The following UPP2 variants were observed in gnomAD, a reference collection of about 807,000 sequenced individuals.
The protein encoded by UPP2 is uridine phosphorylase 2, also known as UPase 2.
UPP2 carries 23 observed loss-of-function variants against 26.7 expected under a neutral mutation model. The observed-to-expected ratio is 0.86, with a 90% CI of 0.62 to 1.22. The LOEUF (loss-of-function observed/expected upper bound fraction) is 1.22. UPP2 is among the 50% of genes most tolerant of loss of function. UPP2 has a pLI of 0.00. For synonymous variants in UPP2, 127 were observed against 141.3 expected, an observed-to-expected ratio of 0.90 and a Z score of 0.72; for missense variants, 387 against 396.7, an observed-to-expected ratio of 0.98 and a Z score of 0.21.
In UPP2 at chr2:158,135,533, AG is replaced by A. The variant is rs1683913992; in HGVS notation, c.*644del. ...CAACTGAAAACCCTCAGTAATGCAA[AG>A]AAAGGCCTTCCTTTTTCTTCAGAAT... is the stretch of plus-strand genomic sequence containing the variant. On this transcript the variant is annotated 3_prime_UTR_variant, in exon 7 of 7. Transcript: ENST00000005756. 1 of 152,236 alleles carries A rather than the reference AG, an allele frequency of 6.6e-6. No individual in the cohort carries two copies. The highest frequency in any genetic ancestry group is 2.4e-5 in the African/African-American group (1 of 41,468). The allele number at this position is 152,236 out of a possible 1,614,324, so 9.4% of individuals were successfully genotyped here. A position where few individuals can be genotyped will look rare whatever the true frequency, so the allele number is the denominator to read the frequency against.
chr2:158,064,282 G>A (rs1026353309), intron 3 of UPP2, among the ~76,000 whole-genome samples: 39 of 152,086 alleles, frequency 2.6e-4, no homozygotes, highest in East Asian at 3.8e-4. Flanking sequence ...TTTAATGATC[G>A]CCATTCTAAC....
intron 3 of UPP2, among the ~76,000 whole-genome samples, chr2:158,029,907 G>C (rs1224382754): frequency 6.6e-6 from 1 of 151,370 alleles, no homozygotes; most frequent in Admixed American, 6.6e-5. Context: ...ATGCGTTTTA[G>C]AAAGCAGGCA....
chr2:158,030,279 G>A (rs934806728), intron 3 of UPP2, among the ~76,000 whole-genome samples: 1 of 152,086 alleles, frequency 6.6e-6, no homozygotes, highest in African/African-American at 2.4e-5. Context: ...ATTATTTTAG[G>A]TAGTACATGA....
At chr2:158,068,246 GTA>G (rs540320949) in intron 3 of UPP2, among the ~76,000 whole-genome samples, 76 of 152,220 alleles carry the variant, frequency 5.0e-4, no homozygotes, top group African/African-American at 1.8e-3. Context: ...TGTTCTTATA[GTA>G]CTAATTACAA....
chr2:158,114,313 C>G (rs1055367860), intron 2 of UPP2, among the ~76,000 whole-genome samples: 1 of 152,158 alleles, frequency 6.6e-6, no homozygotes, highest in Non-Finnish European at 1.5e-5. Context: ...CGTAGTGCTT[C>G]TCTGCTCCTC....
chr2:158,004,350 G>A (rs1574240815), intron 2 of UPP2, among the ~76,000 whole-genome samples: 1 of 151,748 alleles, frequency 6.6e-6, no homozygotes, highest in African/African-American at 2.4e-5. Context: ...CGGTGAATAA[G>A]GCTTAGTTGT....
chr2:158,004,393 GA>G (rs5835684), intron 2 of UPP2, among the ~76,000 whole-genome samples: 8,950 of 144,854 alleles, frequency 0.062, 374 homozygotes, highest in East Asian at 0.21. Context: ...GAGAGAATAA[GA>G]AAAAAAAAAA....
At chr2:158,051,159 G>GTT (rs1490093004) in intron 3 of UPP2, among the ~76,000 whole-genome samples, 1 of 35,914 alleles carries the variant, frequency 2.8e-5, no homozygotes, top group Non-Finnish European at 7.2e-5. Context: ...CTAGGAATAT[G>GTT]TGTGTGTGTG....
At chr2:158,054,175 T>C (rs1166788040) in intron 3 of UPP2, among the ~76,000 whole-genome samples, 3 of 152,092 alleles carry the variant, frequency 2.0e-5, no homozygotes, top group African/African-American at 7.2e-5. Context: ...GGCATGAGAA[T>C]GGTTTGAACC....
At position 158,000,067 on chromosome 2, in the gene UPP2, A is replaced by ATT. The variant is rs11451567; in HGVS notation, c.61+4820_61+4821dup. 9.1e-3 allele frequency among the ~76,000 whole-genome samples: 1,339 copies of ATT among 147,558 alleles called. 26 individuals are homozygous for ATT. Among genetic ancestry groups the ATT allele is most frequent in the African/African-American group, 0.031 (1,239 of 40,492 alleles). On this transcript the variant is annotated intron_variant, in intron 2 of 9. Transcript: ENST00000605860. The stretch of plus-strand genomic sequence containing the variant: ...TTTCTCTTCATTTTGTGCCTTTCAA[A>ATT]TTTTTTTTTTTTTGAGACAGAGTCT...
At chr2:158,075,417 A>C (rs1383386527) in intron 3 of UPP2, among the ~76,000 whole-genome samples, 1 of 152,020 alleles carries the variant, frequency 6.6e-6, no homozygotes, top group African/African-American at 2.4e-5. Context: ...GCATATCGAT[A>C]AGGATAGACC....
At chr2:158,036,045 T>C (rs1683995726) in intron 3 of UPP2, among the ~76,000 whole-genome samples, 1 of 152,170 alleles carries the variant, frequency 6.6e-6, no homozygotes, top group Non-Finnish European at 1.5e-5. Context: ...AGTAGAAGGG[T>C]CGTGAATGTA....
intron 2 of UPP2, among the ~76,000 whole-genome samples, chr2:158,008,028 G>A (rs1683519823): frequency 6.6e-6 from 1 of 152,064 alleles, no homozygotes; most frequent in Non-Finnish European, 1.5e-5. Context: ...ATACATTTAA[G>A]GTCTCAAAAA....
intron 2 of UPP2, among the ~76,000 whole-genome samples, chr2:158,110,769 T>C (rs1275726453): frequency 1.3e-5 from 2 of 152,230 alleles, no homozygotes; most frequent in Non-Finnish European, 2.9e-5. Context: ...TGGCCAGTGA[T>C]GATGAGCATT....
intron 6 of UPP2, among the ~76,000 whole-genome samples, chr2:158,131,495 T>G (rs1333137120): frequency 1.3e-5 from 2 of 152,172 alleles, no homozygotes; most frequent in African/African-American, 4.8e-5. Flanking sequence ...TGTATTTTTG[T>G]GTGAAAAGAG....
chr2:158,083,960 G>A (rs1214883276), intron 3 of UPP2, among the ~76,000 whole-genome samples: 1 of 151,178 alleles, frequency 6.6e-6, no homozygotes, highest in South Asian at 2.1e-4. Flanking sequence ...GAATTTTGCT[G>A]CTATAAACGT....
At chr2:158,024,856 A>T (rs1574250764) in intron 3 of UPP2, among the ~76,000 whole-genome samples, 1 of 150,078 alleles carries the variant, frequency 6.7e-6, no homozygotes, top group East Asian at 1.9e-4. Flanking sequence ...CATAAAAAAT[A>T]AAAAAAAATT....
intron 3 of UPP2, among the ~76,000 whole-genome samples, chr2:158,046,466 T>C (rs1396856540): frequency 2.0e-5 from 3 of 152,348 alleles, no homozygotes; most frequent in East Asian, 1.9e-4. Context: ...AAGTTGTTTT[T>C]CTGTGCCAGG....
At chr2:158,003,985 A>AGT (rs2105135529) in intron 2 of UPP2, among the ~76,000 whole-genome samples, 1 of 152,330 alleles carries the variant, frequency 6.6e-6, no homozygotes, top group Non-Finnish European at 1.5e-5. Context: ...ATAATGTTAT[A>AGT]GTGCCAACAA....
Sources: allele counts gnomAD v4.1 joint callset (sites outside exome capture counted in the v4.1 genomes callset), GRCh38; gene constraint gnomAD v4.1.1; transcripts MANE v1.5; gene names NCBI Gene and HGNC (gene_info 2026-07-23, HGNC 2026-07-21).